The following DGKB variants were observed in gnomAD, a reference collection of about 807,000 sequenced individuals.
DGKB encodes the protein diacylglycerol kinase beta.
Under a neutral mutation model 114.3 loss-of-function variants are expected in DGKB, and 67 were observed. That is an observed-to-expected ratio of 0.59 (90% CI 0.48 to 0.72). The LOEUF is 0.72. Among genes scored for constraint, DGKB ranks in the 30% least tolerant of loss-of-function variants. DGKB has a pLI of 0.00. For synonymous variants in DGKB, 398 were observed against 323.1 expected, an observed-to-expected ratio of 1.23 and a Z score of -2.49; for missense variants, 907 against 975.2, an observed-to-expected ratio of 0.93 and a Z score of 0.93.
At chr7:14,811,932 C>A (rs1358249996) in intron 2 of DGKB, among the ~76,000 whole-genome samples, 1 of 152,052 alleles carries the variant, frequency 6.6e-6, no homozygotes, top group Non-Finnish European at 1.5e-5. Context: ...CTTTACTCAT[C>A]AAACTAACTC....
chr7:14,433,751 T>C (rs1382227536), intron 21 of DGKB, among the ~76,000 whole-genome samples: 1 of 152,148 alleles, frequency 6.6e-6, no homozygotes, highest in Admixed American at 6.6e-5. Context: ...TCTAAAACGT[T>C]TGGGACTGGA....
intron 21 of DGKB, among the ~76,000 whole-genome samples, chr7:14,435,922 T>A (rs1829173425): frequency 6.6e-6 from 1 of 152,130 alleles, no homozygotes; most frequent in South Asian, 2.1e-4. Context: ...TTCCTGGATG[T>A]CTATGGCACG....
intron 13 of DGKB, among the ~76,000 whole-genome samples, chr7:14,667,989 G>A (rs1192999321): frequency 6.6e-6 from 1 of 152,036 alleles, no homozygotes; most frequent in African/African-American, 2.4e-5. Flanking sequence ...TAGTGGATAA[G>A]GTACTATATG....
intron 21 of DGKB, among the ~76,000 whole-genome samples, chr7:14,448,906 G>A (rs1831084209): frequency 6.6e-6 from 1 of 152,018 alleles, no homozygotes; most frequent in Admixed American, 6.6e-5. Flanking sequence ...CAAAGAACTG[G>A]AAAGACTAAG....
In DGKB at chr7:14,160,521, A is replaced by G. The variant is rs367848781; in HGVS notation, c.2305-11283T>C. ...GCCAACTCCTATTGGCAATTGCTAC[A>G]AAGAGAATAAAATACCTAGGAATAC... On this transcript the variant is annotated intron_variant, in intron 25 of 25. Coordinates refer to ENST00000402815, the MANE Select transcript of DGKB (RefSeq NM_001350709.2). Among the ~76,000 whole-genome samples the G allele has an allele frequency of 1.2e-3, 190 of 152,318 alleles. 1 individual carries two copies. Among genetic ancestry groups the G allele is most frequent in the African/African-American group, 4.2e-3 (175 of 41,568 alleles).
chr7:14,331,811 T>C (rs1252515439), intron 23 of DGKB, among the ~76,000 whole-genome samples: 3 of 152,152 alleles, frequency 2.0e-5, no homozygotes, highest in Non-Finnish European at 4.4e-5. Flanking sequence ...TTTGTATTGC[T>C]TTGTTTTGCT....
intron 23 of DGKB, among the ~76,000 whole-genome samples, chr7:14,205,562 G>A (rs1278076686): frequency 6.6e-6 from 1 of 151,876 alleles, no homozygotes; most frequent in African/African-American, 2.4e-5. Context: ...AAAATAAGTG[G>A]ATTCTACATA....
chr7:14,856,043 T>G (rs1470534248), intron 1 of DGKB, among the ~76,000 whole-genome samples: 1 of 151,406 alleles, frequency 6.6e-6, no homozygotes, highest in East Asian at 1.9e-4. Flanking sequence ...CTCCTAAACC[T>G]CTACAGTGCA....
At chr7:14,239,539 T>A (rs1237534371) in intron 23 of DGKB, among the ~76,000 whole-genome samples, 3 of 152,094 alleles carry the variant, frequency 2.0e-5, no homozygotes, top group East Asian at 3.9e-4. Context: ...AATTTTATTG[T>A]GTGATTACTC....
At chr7:14,240,015 C>G (rs1427791348) in intron 23 of DGKB, among the ~76,000 whole-genome samples, 3 of 151,940 alleles carry the variant, frequency 2.0e-5, no homozygotes, top group Non-Finnish European at 4.4e-5. Context: ...ACCTTACCAG[C>G]CACTGCGTAT....
intron 23 of DGKB, among the ~76,000 whole-genome samples, chr7:14,274,305 ATT>A (rs754254885): frequency 1.4e-4 from 22 of 152,052 alleles, no homozygotes; most frequent in Non-Finnish European, 2.2e-4. Flanking sequence ...ATTTTATTTT[ATT>A]TTTTCTCTCG....
chr7:14,279,080 G>C (rs922380446), intron 23 of DGKB, among the ~76,000 whole-genome samples: 2 of 152,184 alleles, frequency 1.3e-5, no homozygotes, highest in African/African-American at 2.4e-5. Context: ...AAGCGCAAGG[G>C]GTCAGGGAGT....
chr7:14,974,398 T>C (rs1225706925), intron 1 of DGKB, among the ~76,000 whole-genome samples: 1 of 152,106 alleles, frequency 6.6e-6, no homozygotes, highest in Non-Finnish European at 1.5e-5. Context: ...ATAGTACAAG[T>C]AGATGACTCA....
intron 22 of DGKB, 150 bp downstream of exon 22, chr7:14,345,151 T>A (rs1434634786): frequency 3.6e-6 from 2 of 551,320 alleles, no homozygotes; most frequent in Admixed American, 6.7e-5. Context: ...GTATTCCAAA[T>A]GAGTGAAAGG....
chr7:14,968,364 T>G (rs887934609), intron 1 of DGKB, among the ~76,000 whole-genome samples: 3 of 152,170 alleles, frequency 2.0e-5, no homozygotes, highest in Admixed American at 2.0e-4. Flanking sequence ...TAATATTGTA[T>G]TCACAGTAAA....
At chr7:14,739,831 G>A (rs1172634521) in intron 4 of DGKB, among the ~76,000 whole-genome samples, 4 of 152,106 alleles carry the variant, frequency 2.6e-5, no homozygotes, top group East Asian at 1.9e-4. Context: ...TCCCAGGACT[G>A]TAATGGCACC....
intron 21 of DGKB, among the ~76,000 whole-genome samples, chr7:14,383,493 A>G (rs1006598323): frequency 4.6e-5 from 7 of 152,204 alleles, no homozygotes; most frequent in Non-Finnish European, 8.8e-5. Flanking sequence ...GGAAGTGTGT[A>G]GTCTTATGTG....
chr7:14,322,627 T>G (rs891828043), intron 23 of DGKB, among the ~76,000 whole-genome samples: 1 of 152,080 alleles, frequency 6.6e-6, no homozygotes, highest in Non-Finnish European at 1.5e-5. Flanking sequence ...TTAATAAAAT[T>G]AAGACATTCT....
intron 25 of DGKB, 62 bp from the exon 26 acceptor site, chr7:14,149,300 C>G: frequency 8.1e-7 from 1 of 1,232,442 alleles, no homozygotes. Context: ...AGATACAATA[C>G]CAATTTGTGA....
Sources: gnomAD v4.1 joint callset for allele counts (sites outside exome capture counted in the v4.1 genomes callset) on GRCh38, gnomAD v4.1.1 for gene constraint, MANE v1.5 for transcripts, NCBI Gene and HGNC (gene_info 2026-07-23, HGNC 2026-07-21) for gene names.